Variants in SCN11A observed in about 807,000 individuals in gnomAD.
SCN11A encodes the protein sodium voltage-gated channel alpha subunit 11, also known as sodium channel protein type 11 subunit alpha.
In SCN11A, 122 loss-of-function variants were observed where a neutral mutation model predicts 162.2. The ratio of observed to expected loss-of-function variants is 0.75; its 90% CI spans 0.65 to 0.87. The LOEUF (loss-of-function observed/expected upper bound fraction) is 0.87. Among genes scored for constraint, SCN11A ranks in the 40% least tolerant of loss-of-function variants. The pLI is 0.00. For synonymous variants in SCN11A, 758 were observed against 751.5 expected (o/e 1.01, Z -0.14); for missense variants, 2,015 against 2,181.6 (o/e 0.92, Z 1.52).
At chr3:38,899,854 G>T in intron 17 of SCN11A, 40 bp downstream of exon 17, 1 of 1,552,314 alleles carries the variant, frequency 6.4e-7, no homozygotes, top group South Asian at 1.2e-5. Context: ...TTTCCACTTA[G>T]GCAGCTACGT....
At chr3:38,986,358 T>G (rs2030242847) in intron 2 of SCN11A, among the ~76,000 whole-genome samples, 1 of 141,950 alleles carries the variant, frequency 7.0e-6, no homozygotes, top group Non-Finnish European at 1.5e-5. Context: ...GAGATACAAA[T>G]GGATCAAAGG....
intron 7 of SCN11A, among the ~76,000 whole-genome samples, chr3:38,935,688 C>A (rs1284416404): frequency 5.3e-5 from 8 of 152,188 alleles, no homozygotes; most frequent in Admixed American, 2.0e-4. Flanking sequence ...AAGAAGTTGA[C>A]TCTCTGAATA....
chr3:38,888,990 C>A (rs1010862947), intron 19 of SCN11A, among the ~76,000 whole-genome samples: 1 of 151,722 alleles, frequency 6.6e-6, no homozygotes, highest in Non-Finnish European at 1.5e-5. Flanking sequence ...TCCCCAAAAA[C>A]TACTGAAATT....
intron 12 of SCN11A, among the ~76,000 whole-genome samples, chr3:38,909,509 T>A (rs923954571): frequency 1.3e-5 from 2 of 152,050 alleles, no homozygotes; most frequent in Non-Finnish European, 2.9e-5. Context: ...TGGAGGGGGC[T>A]AACATTTCTA....
intron 7 of SCN11A, among the ~76,000 whole-genome samples, chr3:38,944,978 AAT>A: frequency 6.6e-6 from 1 of 152,300 alleles, no homozygotes; most frequent in African/African-American, 2.4e-5. Flanking sequence ...AATAAAAAAA[AAT>A]AAAAAAAGAA....
chr3:38,986,763 CT>C (rs1311647505), intron 2 of SCN11A, among the ~76,000 whole-genome samples: 1 of 152,092 alleles, frequency 6.6e-6, no homozygotes, highest in Non-Finnish European at 1.5e-5. Flanking sequence ...CCATACAATA[CT>C]GATACAACCA....
chr3:38,867,557 G>A (rs1559495812), intron 26 of SCN11A, 99 bp from the exon 27 acceptor site: 1 of 882,470 alleles, frequency 1.1e-6, no homozygotes, highest in Non-Finnish European at 1.7e-6. Flanking sequence ...TTTCTTAGCA[G>A]CAACATTGAC....
At chr3:38,849,907 G>A (rs1339784628) in intron 29 of SCN11A, 3 of 152,372 alleles carry the variant, frequency 2.0e-5, no homozygotes, top group African/African-American at 7.2e-5. Flanking sequence ...TGTGGTTTAA[G>A]TTAACATGGG....
intron 2 of SCN11A, among the ~76,000 whole-genome samples, chr3:39,000,857 C>T (rs1461368606): frequency 1.3e-5 from 2 of 152,010 alleles, no homozygotes; most frequent in Admixed American, 6.5e-5. Context: ...AGTAACATGG[C>T]GAAACCTTGT....
chr3:38,867,257 G>T, intron 27 of SCN11A, 64 bp downstream of exon 27: 1 of 1,470,384 alleles, frequency 6.8e-7, no homozygotes, highest in Non-Finnish European at 9.4e-7. Flanking sequence ...CCAGAATTAT[G>T]TTTTGTTAAT....
At chr3:38,898,739 G>C (rs756623917) in intron 17 of SCN11A, among the ~76,000 whole-genome samples, 2 of 152,036 alleles carry the variant, frequency 1.3e-5, no homozygotes, top group Non-Finnish European at 2.9e-5. Flanking sequence ...GTACAATTTT[G>C]TTAAGCACAT....
chr3:38,873,656 C>T (rs2065163537), intron 23 of SCN11A, among the ~76,000 whole-genome samples: 1 of 152,176 alleles, frequency 6.6e-6, no homozygotes, highest in Non-Finnish European at 1.5e-5. Flanking sequence ...GATGTTCCTA[C>T]AGAGACCTTA....
In SCN11A at chr3:38,846,986, C is replaced by T. The variant is rs199777850; in HGVS notation, c.5084G>A (p.Gly1695Asp). 3.3e-5 allele frequency: 54 copies of T among 1,614,018 alleles called. No individual in the cohort carries two copies. The highest frequency in any genetic ancestry group is 2.5e-5 in the Non-Finnish European group (30 of 1,180,032). Residue 1695 changes from glycine to aspartate, a missense_variant, in exon 30 of 30, where the codon GGT (glycine) becomes GAT (aspartate). Coordinates refer to ENST00000302328, the MANE Select transcript of SCN11A (RefSeq NM_001349253.2). ...ILFAFTARVL[G>D]GSDGLDSMKA... ...CATACTATCTAGGCCATCAGAGCCACCGAGTACCCTAGCGGTGAAGGCGAA... is the reference window on the plus strand; with the variant it reads ...CATACTATCTAGGCCATCAGAGCCATCGAGTACCCTAGCGGTGAAGGCGAA...
intron 14 of SCN11A, 119 bp downstream of exon 14, chr3:38,907,830 C>T: frequency 2.3e-6 from 2 of 859,752 alleles, no homozygotes; most frequent in Non-Finnish European, 3.6e-6. Context: ...AAAGTATGTG[C>T]AAATGGATGA....
At chr3:38,878,542 T>C (rs2065257861) in intron 23 of SCN11A, among the ~76,000 whole-genome samples, 1 of 152,116 alleles carries the variant, frequency 6.6e-6, no homozygotes, top group Non-Finnish European at 1.5e-5. Flanking sequence ...CTTTTTACTA[T>C]AATCTATTAA....
intron 2 of SCN11A, among the ~76,000 whole-genome samples, chr3:39,018,905 G>A (rs2031369963): frequency 6.6e-6 from 1 of 152,186 alleles, no homozygotes; most frequent in Non-Finnish European, 1.5e-5. Context: ...GGCAGTGGGG[G>A]AGATCTGATC....
chr3:38,850,542 T>C lies in SCN11A; in HGVS notation c.4266A>G (p.Gln1422=), dbSNP rs1268170437. The part of the protein sequence containing the change: ...ECLIKIFALR[Q]YYFTNGWNLF... The stretch of plus-strand genomic sequence containing the variant: ...AATTCCAGCCATTGGTGAAGTAGTA[T>C]TGCCTCAAAGCAAAGATTTTGATGA... The change falls in exon 29 of 30, where the codon CAA becomes CAG. Residue 1422 remains glutamine, a synonymous_variant. Coordinates refer to ENST00000302328, the MANE Select transcript of SCN11A (RefSeq NM_001349253.2). 7 of 1,613,834 alleles carry C rather than the reference T, an allele frequency of 4.3e-6. No homozygotes were observed. The African/African-American group carries it at 8.0e-5, about 18-fold the overall frequency.
chr3:38,875,200 T>C (rs987207801), intron 23 of SCN11A, among the ~76,000 whole-genome samples: 2 of 152,180 alleles, frequency 1.3e-5, no homozygotes, highest in African/African-American at 2.4e-5. Context: ...GTAAACCACA[T>C]TTGTTGAGTG....
intron 2 of SCN11A, among the ~76,000 whole-genome samples, chr3:38,999,212 T>C (rs1298926127): frequency 6.6e-6 from 1 of 152,140 alleles, no homozygotes; most frequent in African/African-American, 2.4e-5. Flanking sequence ...GAACTAAAAA[T>C]TATAATACTA....
Sources: gnomAD v4.1 joint callset for allele counts (sites outside exome capture counted in the v4.1 genomes callset) on GRCh38, gnomAD v4.1.1 for gene constraint, MANE v1.5 for transcripts, NCBI Gene and HGNC (gene_info 2026-07-23, HGNC 2026-07-21) for gene names.